ADARB1: variants seen among roughly 807,000 people sequenced by gnomAD.
ADARB1 encodes the protein double-stranded RNA-specific editase 1.
ADARB1 carries 10 observed loss-of-function variants against 52.4 expected under a neutral mutation model. The ratio of observed to expected loss-of-function variants is 0.19; its 90% confidence interval spans 0.12 to 0.32. The LOEUF is 0.32. Among genes scored for constraint, ADARB1 ranks in the 10% least tolerant of loss-of-function variants. The pLI is 1.00. For missense variants in ADARB1, 643 were observed against 922.3 expected (o/e 0.70, Z 3.92); for synonymous variants, 349 against 371.1 (o/e 0.94, Z 0.68).
At chr21:45,088,509 AAGG>A (rs368709741) in intron 1 of ADARB1, among the ~76,000 whole-genome samples, 3 of 152,240 alleles carry the variant, frequency 2.0e-5, no homozygotes, top group African/African-American at 7.2e-5. Context: ...TTGAAAAAAT[AAGG>A]AGAAGGGACA....
intron 1 of ADARB1, among the ~76,000 whole-genome samples, chr21:45,112,161 C>G (rs568160874): frequency 6.6e-6 from 1 of 152,326 alleles, no homozygotes; most frequent in South Asian, 2.1e-4. Flanking sequence ...GCTACAGCCT[C>G]TGTCATCAGG....
In ADARB1 at chr21:45,204,443, G is replaced by A. The variant is rs531108627; in HGVS notation, c.1566-112G>A. On this transcript the variant is annotated intron_variant, in intron 8 of 10. Transcript: ENST00000348831. This position sits in a 1 kb window ranked among gnomAD's most constrained non-coding sequence, Gnocchi z 4.4. The stretch of plus-strand genomic sequence containing the variant: ...TTTTGTTGCACTCCTTCGTCAGTTG[G>A]TTGGGATCCTGCGGAATTGCCAGTG... 2 of 1,043,602 alleles carry A rather than the reference G, an allele frequency of 1.9e-6. No individual in the cohort carries two copies. The highest frequency in any genetic ancestry group is 3.2e-5 in the South Asian group (2 of 62,070). 64.6% of individuals were successfully genotyped at this position (1,043,602 alleles called of 1,614,324 possible).
intron 5 of ADARB1, among the ~76,000 whole-genome samples, chr21:45,181,781 T>A (rs2091940708): frequency 6.6e-6 from 1 of 152,206 alleles, no homozygotes; most frequent in Non-Finnish European, 1.5e-5. Flanking sequence ...GCTGGTTGAG[T>A]GGACTTGGGC....
At chr21:45,171,351 C>T (rs984514127) in intron 2 of ADARB1, among the ~76,000 whole-genome samples, 1 of 152,218 alleles carries the variant, frequency 6.6e-6, no homozygotes, top group Non-Finnish European at 1.5e-5. Context: ...CATCATCCCT[C>T]CATGTGGGAG....
intron 2 of ADARB1, among the ~76,000 whole-genome samples, chr21:45,149,248 C>T (rs1285185840): frequency 2.0e-5 from 3 of 152,238 alleles, no homozygotes; most frequent in African/African-American, 7.2e-5. Context: ...CTCATCCTGA[C>T]ACCAGCTCTG....
chr21:45,195,237 A>T (rs10222166), intron 8 of ADARB1, among the ~76,000 whole-genome samples: 24,579 of 152,010 alleles, frequency 0.16, 2,890 homozygotes, highest in African/African-American at 0.33. Context: ...TTTTTGGCCA[A>T]TTTTTAATCA....
chr21:45,110,503 T>A (rs1447019415), intron 1 of ADARB1, among the ~76,000 whole-genome samples: 1 of 152,158 alleles, frequency 6.6e-6, no homozygotes, highest in African/African-American at 2.4e-5. Flanking sequence ...CACTTACCTT[T>A]TTCTGCAGGA....
At chr21:45,108,385 A>G (rs1463040005) in intron 1 of ADARB1, among the ~76,000 whole-genome samples, 2 of 152,244 alleles carry the variant, frequency 1.3e-5, no homozygotes, top group Admixed American at 1.3e-4. Context: ...TGGTGTATTA[A>G]ATAAAGGTGA....
At chr21:45,164,388 G>A (rs1206519077) in intron 2 of ADARB1, among the ~76,000 whole-genome samples, 1 of 152,110 alleles carries the variant, frequency 6.6e-6, no homozygotes, top group Non-Finnish European at 1.5e-5. Context: ...TGTACAGCAT[G>A]CCTGTGGGGG....
chr21:45,099,961 A>G (rs2086929286), intron 1 of ADARB1, among the ~76,000 whole-genome samples: 1 of 152,256 alleles, frequency 6.6e-6, no homozygotes, highest in African/African-American at 2.4e-5. Flanking sequence ...AAAGATATTT[A>G]TATGGGAAGT....
rs113889716 is a variant in ADARB1, at chr21:45,079,784, A to G, written c.-220+4991A>G. On this transcript the variant is annotated intron_variant, in intron 1 of 10. Transcript: ENST00000348831. ...TAGTTATCTGAGTAGAGAAAGGTGAATATGGATGGAAATTCAAGGTCAGGT... is the reference window on the plus strand; with the variant it reads ...TAGTTATCTGAGTAGAGAAAGGTGAGTATGGATGGAAATTCAAGGTCAGGT... Among the ~76,000 whole-genome samples the G allele has an allele frequency of 2.3e-3, 351 of 152,322 alleles. 2 individuals are homozygous for G. The highest frequency in any genetic ancestry group is 7.6e-3 in the African/African-American group (318 of 41,570).
chr21:45,098,533 G>C (rs1271815335), intron 1 of ADARB1, among the ~76,000 whole-genome samples: 1 of 152,206 alleles, frequency 6.6e-6, no homozygotes, highest in African/African-American at 2.4e-5. Flanking sequence ...GGTTCTCAGT[G>C]GAGGGTGCCT....
At chr21:45,134,977 C>CTGTA (rs2089281759) in intron 2 of ADARB1, 1 of 369,486 alleles carries the variant, frequency 2.7e-6, no homozygotes, top group Non-Finnish European at 5.4e-6. Flanking sequence ...GACTGGCAGG[C>CTGTA]TGTAGCCTGT....
chr21:45,077,661 C>A (rs1228691151), intron 1 of ADARB1, among the ~76,000 whole-genome samples: 9 of 148,872 alleles, frequency 6.0e-5, no homozygotes, highest in African/African-American at 2.2e-4. Context: ...AGCGAGACGC[C>A]GTCTAAAAAA....
intron 8 of ADARB1, 77 bp downstream of exon 8, chr21:45,185,168 C>T: frequency 6.5e-7 from 1 of 1,529,688 alleles, no homozygotes; most frequent in Non-Finnish European, 8.9e-7. Context: ...CTCCCTTTTC[C>T]ACAACCATTT....
At chr21:45,088,962 A>G (rs1351992390) in intron 1 of ADARB1, among the ~76,000 whole-genome samples, 1 of 152,208 alleles carries the variant, frequency 6.6e-6, no homozygotes, top group Admixed American at 6.5e-5. Context: ...AGTGTTCCTC[A>G]GAAGTGTCCA....
intron 1 of ADARB1, among the ~76,000 whole-genome samples, chr21:45,127,125 C>G (rs2088631391): frequency 6.6e-6 from 1 of 152,136 alleles, no homozygotes; most frequent in South Asian, 2.1e-4. Context: ...TCACTCGGGG[C>G]CCTTGCTCTC....
chr21:45,188,099 A>G (rs548307636), intron 8 of ADARB1, among the ~76,000 whole-genome samples: 2 of 151,428 alleles, frequency 1.3e-5, no homozygotes, highest in East Asian at 1.9e-4. Flanking sequence ...TCTAGTGAAA[A>G]CATTTGGTCC....
chr21:45,166,044 C>T (rs1016766670), intron 2 of ADARB1, among the ~76,000 whole-genome samples: 2 of 152,020 alleles, frequency 1.3e-5, no homozygotes, highest in African/African-American at 2.4e-5. Flanking sequence ...ACATTTTTTA[C>T]CAGCACAATA....
Sources: gnomAD v4.1 joint callset for allele counts (sites outside exome capture counted in the v4.1 genomes callset) on GRCh38, gnomAD v4.1.1 for gene constraint, Gnocchi (gnomAD v3.1) non-coding constraint, MANE v1.5 for transcripts, NCBI Gene and HGNC (gene_info 2026-07-23, HGNC 2026-07-21) for gene names.